STRN4: variants seen among roughly 807,000 people sequenced by gnomAD.
STRN4 encodes the protein striatin-4.
In STRN4, 27 loss-of-function variants were observed where a neutral mutation model predicts 77.9. That is an observed-to-expected ratio of 0.35 (90% CI 0.26 to 0.48). The LOEUF is 0.48. Among genes scored for constraint, STRN4 ranks in the 20% least tolerant of loss-of-function variants. The pLI, the probability that STRN4 is intolerant of heterozygous loss-of-function variation, is 0.99. For synonymous variants in STRN4, 466 were observed against 443.1 expected, an observed-to-expected ratio of 1.05 and a Z score of -0.65; for missense variants, 798 against 1,049.7, an observed-to-expected ratio of 0.76 and a Z score of 3.31.
At chr19:46,745,466 C>T (rs1220535421) in intron 1 of STRN4, among the ~76,000 whole-genome samples, 1 of 152,140 alleles carries the variant, frequency 6.6e-6, no homozygotes, top group Non-Finnish European at 1.5e-5. Flanking sequence ...TCCTCCCACC[C>T]CTCGGGTCCT....
At chr19:46,742,803 C>T (rs943290495) in intron 1 of STRN4, among the ~76,000 whole-genome samples, 2 of 152,196 alleles carry the variant, frequency 1.3e-5, no homozygotes, top group Admixed American at 1.3e-4. Context: ...CCTTGTGATC[C>T]ACCTGCCTTG....
In STRN4 at chr19:46,723,067, C is replaced by T. The variant is rs1185015885; in HGVS notation, c.1765+47G>A. The T allele has an allele frequency of 6.4e-7, 1 of 1,563,502 alleles. No homozygotes were observed. The highest frequency in any genetic ancestry group is 8.7e-7 in the Non-Finnish European group (1 of 1,153,486). ...TCAGCAGGAACCACTCTGATAGCCT[C>T]CAGATCCCGCACAGCTCCAGGGTGA... is the stretch of plus-strand genomic sequence containing the variant. On this transcript the variant is annotated intron_variant, in intron 13 of 17. Coordinates refer to ENST00000263280, the MANE Select transcript of STRN4 (RefSeq NM_013403.3). The surrounding 1 kb of genome is among the most constrained non-coding windows in gnomAD (Gnocchi z 5.5).
chr19:46,723,672 C>A lies in STRN4; in HGVS notation c.1595-388G>T, dbSNP rs2054035338. Among the ~76,000 whole-genome samples, 1 of 152,204 alleles carries A rather than the reference C, an allele frequency of 6.6e-6. No individual in the cohort carries two copies. The highest frequency in any genetic ancestry group is 2.4e-5 in the African/African-American group (1 of 41,464). On this transcript the variant is annotated intron_variant, in intron 12 of 17. Coordinates refer to ENST00000263280, the MANE Select transcript of STRN4 (RefSeq NM_013403.3). The surrounding 1 kb of genome is among the most constrained non-coding windows in gnomAD (Gnocchi z 5.5). ...GGACAAGGGTTGGTCCCAACCCTGG[C>A]CCGAGCAGTCTTTTCAGCCCATGGC...
intron 1 of STRN4, among the ~76,000 whole-genome samples, chr19:46,744,866 G>A (rs2054546573): frequency 6.6e-6 from 1 of 151,892 alleles, no homozygotes; most frequent in Non-Finnish European, 1.5e-5. Flanking sequence ...CTTCAAATCC[G>A]GACATCTCCA....
chr19:46,740,838 G>A (rs1348616260), intron 1 of STRN4, among the ~76,000 whole-genome samples: 2 of 152,108 alleles, frequency 1.3e-5, no homozygotes, highest in African/African-American at 2.4e-5. Context: ...TTGCGGGAGC[G>A]AAGGACGCTA....
At chr19:46,728,355 T>G in intron 7 of STRN4, 1 of 590,772 alleles carries the variant, frequency 1.7e-6, no homozygotes, top group South Asian at 2.0e-5. Context: ...CAGCCAGAGC[T>G]GGACGCCCGC....
At position 46,738,383 on chromosome 19, in the gene STRN4, C is replaced by T. The variant is rs1349644295; in HGVS notation, c.387-146G>A. ...TGAGGCTGAAGCATCCCCCCACACC[C>T]CTGGCCTGGTGGAAGAAACCACTCC... On this transcript the variant is annotated intron_variant, in intron 2 of 17. Coordinates refer to ENST00000263280, the MANE Select transcript of STRN4 (RefSeq NM_013403.3). The surrounding 1 kb of genome is among the most constrained non-coding windows in gnomAD (Gnocchi z 4.5). 4 of 817,044 alleles carry T rather than the reference C, an allele frequency of 4.9e-6. No individual in the cohort carries two copies. The highest frequency in any genetic ancestry group is 1.5e-5 in the South Asian group (1 of 66,336). 50.6% of individuals were successfully genotyped at this position (817,044 alleles called of 1,614,324 possible). A position where few individuals can be genotyped will look rare whatever the true frequency, so the allele number is the denominator to read the frequency against.
Position 46,723,244 on chromosome 19 carries a change from G to A in STRN4, c.1635C>T (p.Asp545=), listed in dbSNP as rs374264959. ...VLSHVLEGHG[D]AVWGLAFSPT... ...GACTGAAGGCCAGGCCCCACACGGCGTCCCCGTGGCCCTCCAGGACGTGGC... is the reference window on the plus strand; with the variant it reads ...GACTGAAGGCCAGGCCCCACACGGCATCCCCGTGGCCCTCCAGGACGTGGC... Residue 545 remains aspartate (D), a synonymous_variant, in exon 13 of 18, where the codon GAC becomes GAT. Transcript: ENST00000263280. The surrounding 1 kb of genome is among the most constrained non-coding windows in gnomAD (Gnocchi z 5.5). 30 of 1,550,946 alleles carry A rather than the reference G, an allele frequency of 1.9e-5. No homozygotes were observed. Among genetic ancestry groups the A allele is most frequent in the African/African-American group, 1.1e-4 (8 of 73,264 alleles).
intron 6 of STRN4, among the ~76,000 whole-genome samples, chr19:46,729,165 G>T (rs116431661): frequency 6.6e-6 from 1 of 152,210 alleles, no homozygotes; most frequent in Non-Finnish European, 1.5e-5. Context: ...GCATTGCAGC[G>T]ATAAACACAG....
At chr19:46,727,324 G>A in intron 9 of STRN4, 128 bp downstream of exon 9, 1 of 780,988 alleles carries the variant, frequency 1.3e-6, no homozygotes, top group Non-Finnish European at 2.1e-6. Context: ...TCCCTCCACT[G>A]TCTACATCTG....
intron 6 of STRN4, among the ~76,000 whole-genome samples, chr19:46,729,313 C>G (rs1050559143): frequency 6.6e-6 from 1 of 152,192 alleles, no homozygotes; most frequent in Non-Finnish European, 1.5e-5. Flanking sequence ...TCCCACATTA[C>G]AGGCCAGGAG....
rs201498402 is a variant in STRN4, at chr19:46,724,820, G to A, written c.1581C>T (p.Pro527=). 7.7e-5 allele frequency: 124 copies of A among 1,614,010 alleles called. No homozygotes were observed. In the Admixed American group the frequency reaches 7.8e-4, roughly 10 times the overall value. Reference sequence around the variant, plus strand: ...CGTTGTCCTCACCGTAGCCATCATAGGGATCCATGCTGAGGTCTGGAATCT... The same window carrying A: ...CGTTGTCCTCACCGTAGCCATCATAAGGATCCATGCTGAGGTCTGGAATCT... ...SWKIPDLSMD[P]YDGYDPSVLS... is the part of the protein sequence containing the mutation. The change falls in exon 12 of 18, where the codon CCC becomes CCT. Residue 527 remains proline, a synonymous_variant. Transcript: ENST00000263280.
At position 46,722,059 on chromosome 19, in the gene STRN4, G is replaced by C; in HGVS notation, c.2019C>G (p.His673Gln). The C allele has an allele frequency of 6.2e-7, 1 of 1,613,116 alleles. No individual in the cohort carries two copies. Among genetic ancestry groups the C allele is most frequent in the Non-Finnish European group, 8.5e-7 (1 of 1,180,032 alleles). The change falls in exon 16 of 18, where the codon CAC becomes CAG. Residue 673 changes from histidine (H) to glutamine (Q), a missense_variant. Coordinates refer to ENST00000263280, the MANE Select transcript of STRN4 (RefSeq NM_013403.3). ...FLDNRTGKPV[H>Q]SMVAHLDAVT... Reference sequence around the variant, plus strand: ...CTGCGTCCAGGTGTGCAACCATGGAGTGCACCGGCTTACCTGAGGCGAGAA... The same window carrying C: ...CTGCGTCCAGGTGTGCAACCATGGACTGCACCGGCTTACCTGAGGCGAGAA...
At chr19:46,724,667 AAC>A in intron 12 of STRN4, 138 bp downstream of exon 12, 1 of 1,314,844 alleles carries the variant, frequency 7.6e-7, no homozygotes, top group Non-Finnish European at 1.1e-6. Flanking sequence ...CGCTGCTCAC[AAC>A]AGAGCAGACA....
At chr19:46,721,892 C>G in intron 16 of STRN4, 94 bp downstream of exon 16, 1 of 1,454,188 alleles carries the variant, frequency 6.9e-7, no homozygotes, top group Non-Finnish European at 9.5e-7. Context: ...CAGCCCTGGC[C>G]CCCGGGGCCC....
rs368310351 is a variant in STRN4 at position 46,738,768 on chromosome 19, G to T, written c.386+17C>A. 112 of 1,613,330 alleles carry T rather than the reference G, an allele frequency of 6.9e-5. No homozygotes were observed. The African/African-American group carries it at 1.2e-3, about 18-fold the overall frequency. On this transcript the variant is annotated intron_variant, in intron 2 of 17. Transcript: ENST00000263280. This position sits in a 1 kb window ranked among gnomAD's most constrained non-coding sequence, Gnocchi z 4.5. ...GACGGACCCAGAAGGCAGGCCCAGG[G>T]CAGGATGAAGGCTCACCTTTCCTGC... is the stretch of plus-strand genomic sequence containing the variant.
intron 1 of STRN4, among the ~76,000 whole-genome samples, chr19:46,744,152 T>C (rs2054526271): frequency 6.6e-6 from 1 of 152,170 alleles, no homozygotes; most frequent in Admixed American, 6.5e-5. Flanking sequence ...GCTCACTAAA[T>C]TGCAGCTGGT....
chr19:46,743,712 C>T (rs1249709487), intron 1 of STRN4, among the ~76,000 whole-genome samples: 1 of 152,020 alleles, frequency 6.6e-6, no homozygotes, highest in Non-Finnish European at 1.5e-5. Context: ...CCAGCCTGAC[C>T]AACGTGGCAA....
rs554538461 is a variant in STRN4, at chr19:46,735,517, T to A, written c.539+1306A>T. ...TTTATTAAGATAACAGAGGCAAAAATACACAGCCACGGAAGAAACTGAGAC... is the reference window on the plus strand; with the variant it reads ...TTTATTAAGATAACAGAGGCAAAAAAACACAGCCACGGAAGAAACTGAGAC... On this transcript the variant is annotated intron_variant, in intron 4 of 17. Transcript: ENST00000263280. Among the ~76,000 whole-genome samples the A allele has an allele frequency of 2.0e-5, 3 of 151,868 alleles. No homozygotes were observed. In the East Asian group the frequency reaches 5.9e-4, roughly 30 times the overall value.
Sources: gnomAD v4.1 joint callset for allele counts (sites outside exome capture counted in the v4.1 genomes callset) on GRCh38, gnomAD v4.1.1 for gene constraint, Gnocchi (gnomAD v3.1) non-coding constraint, MANE v1.5 for transcripts, NCBI Gene and HGNC (gene_info 2026-07-23, HGNC 2026-07-21) for gene names.